The following PCDHGB4 variants were observed in gnomAD, a reference collection of about 807,000 sequenced individuals.
PCDHGB4 encodes protocadherin gamma-B4.
A neutral mutation model predicts 60.5 loss-of-function variants in PCDHGB4; 38 were observed. The observed-to-expected ratio is 0.63, with a 90% CI of 0.48 to 0.82. The LOEUF is 0.82. Among genes scored for constraint, PCDHGB4 ranks in the 40% least tolerant of loss-of-function variants. The probability of loss-of-function intolerance (pLI) is 0.00; values close to 1 mark genes in which losing one functional copy is unlikely to be tolerated. For synonymous variants in PCDHGB4, 456 were observed against 509.7 expected (o/e 0.89, Z 1.42); for missense variants, 1,109 against 1,209.6 (o/e 0.92, Z 1.23).
intron 1 of PCDHGB4, among the ~76,000 whole-genome samples, chr5:141,463,990 G>A (rs2099073582): frequency 6.6e-6 from 1 of 151,990 alleles, no homozygotes; most frequent in Non-Finnish European, 1.5e-5. Flanking sequence ...TAAAAACCAG[G>A]TGCAGTGGCT....
In PCDHGB4 at chr5:141,476,857, C is replaced by G. The variant is rs201408987; in HGVS notation, c.2398-17950C>G. The G allele has an allele frequency of 3.1e-6, 5 of 1,613,886 alleles. No individual in the cohort carries two copies. Among genetic ancestry groups the G allele is most frequent in the Non-Finnish European group, 4.2e-6 (5 of 1,180,046 alleles). On this transcript the variant is annotated intron_variant, in intron 1 of 3. Coordinates refer to ENST00000519479, the MANE Select transcript of PCDHGB4 (RefSeq NM_003736.4). This position sits in a 1 kb window ranked among gnomAD's most constrained non-coding sequence, Gnocchi z 7.6. Reference sequence around the variant, plus strand: ...ACAATGCGCCTGTCTTCAACCAGTCCTTGTACCGGGCGCGCGTCCTGGAGG... The same window carrying G: ...ACAATGCGCCTGTCTTCAACCAGTCGTTGTACCGGGCGCGCGTCCTGGAGG...
intron 1 of PCDHGB4, among the ~76,000 whole-genome samples, chr5:141,438,619 TATATATATATATATATAC>T (rs1380852637): frequency 0.021 from 829 of 39,644 alleles, 15 homozygotes; most frequent in East Asian, 0.054. Context: ...TATATATATA[TATATATATATATATATAC>T]ACACACACAC....
At position 141,431,141 on chromosome 5, in the gene PCDHGB4, G is replaced by C. The variant is rs1262504427; in HGVS notation, c.2397+40860G>C. 1 of 1,614,094 alleles carries C rather than the reference G, an allele frequency of 6.2e-7. No individual in the cohort carries two copies. The highest frequency in any genetic ancestry group is 2.2e-5 in the East Asian group (1 of 44,896). On this transcript the variant is annotated intron_variant, in intron 1 of 3. Coordinates refer to ENST00000519479, the MANE Select transcript of PCDHGB4 (RefSeq NM_003736.4). The surrounding 1 kb of genome is among the most constrained non-coding windows in gnomAD (Gnocchi z 4.8). The stretch of plus-strand genomic sequence containing the variant: ...AGAAGTAGAAGTAAGGGACATTAAC[G>C]ACAATGCGCCTTACTTTCGTGAAAG...
chr5:141,496,103 C>G (rs779317844), intron 2 of PCDHGB4, among the ~76,000 whole-genome samples: 1 of 152,100 alleles, frequency 6.6e-6, no homozygotes, highest in Non-Finnish European at 1.5e-5. Flanking sequence ...ACCAACACCC[C>G]GCTCTCTTCC....
intron 1 of PCDHGB4, chr5:141,408,899 A>G (rs1379621758): frequency 1.2e-6 from 2 of 1,613,316 alleles, no homozygotes; most frequent in Non-Finnish European, 8.5e-7. Context: ...AATTTCTGTC[A>G]AGGATACCAA....
intron 1 of PCDHGB4, among the ~76,000 whole-genome samples, chr5:141,456,052 C>T (rs2098841739): frequency 1.3e-5 from 2 of 151,970 alleles, no homozygotes; most frequent in South Asian, 4.1e-4. Flanking sequence ...CGCCCACCAC[C>T]ACGTCCGGCT....
At chr5:141,409,243 AATC>A in intron 1 of PCDHGB4, 1 of 1,614,032 alleles carries the variant, frequency 6.2e-7, no homozygotes, top group South Asian at 1.1e-5. Context: ...GCCCAGAAAT[AATC>A]ATCACTTCTC....
At chr5:141,440,106 T>A (rs1288263875) in intron 1 of PCDHGB4, 1 of 152,228 alleles carries the variant, frequency 6.6e-6, no homozygotes, top group East Asian at 1.9e-4. Flanking sequence ...AGTGGAGACT[T>A]ACTTGTGAAT....
intron 1 of PCDHGB4, among the ~76,000 whole-genome samples, chr5:141,471,869 G>A (rs1234106506): frequency 6.6e-6 from 1 of 152,172 alleles, no homozygotes; most frequent in Non-Finnish European, 1.5e-5. Flanking sequence ...AACTGTGGTT[G>A]CCTGAGGCTG....
chr5:141,394,263 A>T, intron 1 of PCDHGB4: 1 of 1,613,884 alleles, frequency 6.2e-7, no homozygotes, highest in Non-Finnish European at 8.5e-7. Flanking sequence ...CAGCCAGGAG[A>T]ATGCCCAGGT....
At chr5:141,460,616 T>C (rs905095529) in intron 1 of PCDHGB4, among the ~76,000 whole-genome samples, 8 of 152,114 alleles carry the variant, frequency 5.3e-5, no homozygotes, top group Non-Finnish European at 7.4e-5. Context: ...GATGGATAGA[T>C]AGACAGATAC....
At chr5:141,410,196 C>T (rs773310778) in intron 1 of PCDHGB4, 3 of 1,613,984 alleles carry the variant, frequency 1.9e-6, no homozygotes, top group East Asian at 4.5e-5. Context: ...CTGGTCTTCG[C>T]AGACAACTTG....
In PCDHGB4 at chr5:141,398,540, T is replaced by C. The variant is rs372892054; in HGVS notation, c.2397+8259T>C. On this transcript the variant is annotated intron_variant, in intron 1 of 3. Transcript: ENST00000519479. The stretch of plus-strand genomic sequence containing the variant: ...ACGCCAAAATTCACGCAAAATTCCT[T>C]TGAGCTGCAAATAAGTGAGTCTGCA... 12 of 1,613,764 alleles carry C rather than the reference T, an allele frequency of 7.4e-6. No homozygotes were observed. The African/African-American group carries it at 1.2e-4, about 16-fold the overall frequency.
At chr5:141,427,515 G>A (rs753526003) in intron 1 of PCDHGB4, 16 of 596,944 alleles carry the variant, frequency 2.7e-5, no homozygotes, top group African/African-American at 2.2e-4. Context: ...CCTGGATTGG[G>A]AGCGGATCCC....
chr5:141,476,417 C>A lies in PCDHGB4; in HGVS notation c.2398-18390C>A. ...GGATCGAGAGGAGCTGTGTGGGACA[C>A]TGCCCTCTTGCACTGTAACTCTGGA... is the stretch of plus-strand genomic sequence containing the variant. On this transcript the variant is annotated intron_variant, in intron 1 of 3. Coordinates refer to ENST00000519479, the MANE Select transcript of PCDHGB4 (RefSeq NM_003736.4). This position sits in a 1 kb window ranked among gnomAD's most constrained non-coding sequence, Gnocchi z 7.6. The A allele has an allele frequency of 6.2e-7, 1 of 1,614,112 alleles. No homozygotes were observed. The highest frequency in any genetic ancestry group is 8.5e-7 in the Non-Finnish European group (1 of 1,179,994).
chr5:141,419,735 G>A (rs1013306543), intron 1 of PCDHGB4: 4 of 1,613,806 alleles, frequency 2.5e-6, no homozygotes, highest in Non-Finnish European at 3.4e-6. Flanking sequence ...AACAGGCGAG[G>A]TGCGCATGGT....
At chr5:141,427,722 G>C (rs755543438) in intron 1 of PCDHGB4, 7 of 1,120,986 alleles carry the variant, frequency 6.2e-6, no homozygotes, top group Non-Finnish European at 9.3e-6. Context: ...CCTGGACCTA[G>C]GGCTGAATGG....
chr5:141,482,103 A>C (rs34394498), intron 1 of PCDHGB4, among the ~76,000 whole-genome samples: 2 of 142,250 alleles, frequency 1.4e-5, no homozygotes, highest in Non-Finnish European at 3.0e-5. Flanking sequence ...AAAAAAAAAA[A>C]AATATCTAGA....
chr5:141,388,970 A>G lies in PCDHGB4; in HGVS notation c.1086A>G (p.Thr362=), dbSNP rs1561622326. Residue 362 remains threonine, a synonymous_variant, in exon 1 of 4, where the codon ACA becomes ACG. Coordinates refer to ENST00000519479, the MANE Select transcript of PCDHGB4 (RefSeq NM_003736.4). ...TTATGGAGGACGCCGAGCTGGGAAC[A>G]CATATTGCTTTGCTCAAAGTCCGTG... ...NLIMEDAELG[T]HIALLKVRDK... 6.2e-7 allele frequency: 1 copy of G among 1,613,928 alleles called. No individual in the cohort carries two copies. Among genetic ancestry groups the G allele is most frequent in the East Asian group, 2.2e-5 (1 of 44,898 alleles).
Sources: gnomAD v4.1 joint callset for allele counts (sites outside exome capture counted in the v4.1 genomes callset) on GRCh38, gnomAD v4.1.1 for gene constraint, Gnocchi (gnomAD v3.1) non-coding constraint, MANE v1.5 for transcripts, NCBI Gene and HGNC (gene_info 2026-07-23, HGNC 2026-07-21) for gene names.